NR3C2: variants seen among roughly 807,000 people sequenced by gnomAD.
NR3C2 encodes mineralocorticoid receptor.
NR3C2 carries 15 observed loss-of-function variants against 86.4 expected under a neutral mutation model. That is an observed-to-expected ratio of 0.17 (90% CI 0.12 to 0.27). The LOEUF (loss-of-function observed/expected upper bound fraction) is 0.27. NR3C2 is among the 10% of genes least tolerant of loss of function. The probability of loss-of-function intolerance (pLI) is 1.00; values close to 1 mark genes in which losing one functional copy is unlikely to be tolerated. For missense variants in NR3C2, 960 were observed against 1,195.6 expected, an observed-to-expected ratio of 0.80 and a Z score of 2.91; for synonymous variants, 458 against 450.5, an observed-to-expected ratio of 1.02 and a Z score of -0.21.
intron 3 of NR3C2, among the ~76,000 whole-genome samples, chr4:148,249,861 T>C (rs1739491517): frequency 6.6e-6 from 1 of 152,192 alleles, no homozygotes; most frequent in Non-Finnish European, 1.5e-5. Context: ...GAGGGCAAAA[T>C]GGCATTGCAA....
intron 3 of NR3C2, among the ~76,000 whole-genome samples, chr4:148,203,670 G>A (rs1251362831): frequency 3.9e-5 from 3 of 76,618 alleles, no homozygotes; most frequent in African/African-American, 1.1e-4. Context: ...CCCCGCCCCC[G>A]TTCTTATAAT....
intron 6 of NR3C2, among the ~76,000 whole-genome samples, chr4:148,124,518 C>CT (rs1447904482): frequency 6.6e-6 from 1 of 152,070 alleles, no homozygotes; most frequent in Non-Finnish European, 1.5e-5. Context: ...ATTTTTTTCT[C>CT]TATTTATATG....
chr4:148,278,581 A>ACC (rs1741078081), intron 2 of NR3C2, among the ~76,000 whole-genome samples: 4 of 152,022 alleles, frequency 2.6e-5, no homozygotes, highest in African/African-American at 9.7e-5. Flanking sequence ...GCGCGCGCAC[A>ACC]CACACACCCA....
intron 2 of NR3C2, among the ~76,000 whole-genome samples, chr4:148,381,219 C>T (rs1156267881): frequency 1.4e-5 from 2 of 142,490 alleles, no homozygotes; most frequent in Non-Finnish European, 1.5e-5. Flanking sequence ...TAGAGCGAGA[C>T]CCTGTCTCAA....
chr4:148,428,836 C>T (rs1749670675), intron 2 of NR3C2, among the ~76,000 whole-genome samples: 3 of 152,130 alleles, frequency 2.0e-5, no homozygotes, highest in Admixed American at 1.3e-4. Context: ...AACACACTGC[C>T]CAATAAGGTT....
chr4:148,443,859 A>T, upstream of NR3C2: 1 of 339,186 alleles, frequency 2.9e-6, no homozygotes, highest in Non-Finnish European at 4.2e-6. Flanking sequence ...GGGATTCCGG[A>T]CCCCTAACCC....
chr4:148,114,038 T>G, intron 8 of NR3C2, 66 bp downstream of exon 8: 4 of 1,584,678 alleles, frequency 2.5e-6, no homozygotes, highest in Non-Finnish European at 3.5e-6. Flanking sequence ...CTCTGTTTCC[T>G]TTGGTCAGCA....
chr4:148,313,305 T>C (rs899858115), intron 2 of NR3C2, among the ~76,000 whole-genome samples: 6 of 152,152 alleles, frequency 3.9e-5, no homozygotes, highest in African/African-American at 7.2e-5. Context: ...AATGAGTCCA[T>C]TGCACTCAGT....
intron 6 of NR3C2, among the ~76,000 whole-genome samples, chr4:148,123,166 G>A (rs1337627270): frequency 6.6e-6 from 1 of 152,162 alleles, no homozygotes; most frequent in African/African-American, 2.4e-5. Context: ...GATAAGCACT[G>A]AGATACGCCC....
intron 2 of NR3C2, among the ~76,000 whole-genome samples, chr4:148,305,604 G>C (rs560099805): frequency 2.7e-5 from 4 of 150,812 alleles, no homozygotes; most frequent in African/African-American, 9.7e-5. Context: ...ATTAAGAAAA[G>C]GCTACGCTTT....
intron 4 of NR3C2, among the ~76,000 whole-genome samples, chr4:148,188,087 T>C (rs1203783854): frequency 6.6e-6 from 1 of 152,264 alleles, no homozygotes; most frequent in Non-Finnish European, 1.5e-5. Context: ...CCTATTTTTA[T>C]ACCGGTACTA....
upstream of NR3C2, chr4:148,444,690 T>C (rs1750503150): frequency 2.0e-6 from 2 of 984,984 alleles, no homozygotes; most frequent in Non-Finnish European, 2.4e-6. Context: ...TGACGGTGGG[T>C]AGAGCAATAG....
intron 8 of NR3C2, among the ~76,000 whole-genome samples, chr4:148,096,309 T>C (rs1306704822): frequency 2.0e-5 from 3 of 152,254 alleles, no homozygotes; most frequent in Non-Finnish European, 4.4e-5. Flanking sequence ...GAACTTTTCC[T>C]AATCTTGTTT....
In NR3C2 at chr4:148,222,005, T is replaced by C. The variant is rs115485224; in HGVS notation, c.1898-27143A>G. 7.6e-3 allele frequency among the ~76,000 whole-genome samples: 1,154 copies of C among 152,192 alleles called. 10 individuals are homozygous for C. Among genetic ancestry groups the C allele is most frequent in the African/African-American group, 0.025 (1,030 of 41,552 alleles). On this transcript the variant is annotated intron_variant, in intron 3 of 8. Transcript: ENST00000358102. ...ATACATGTCTGTGTATGTATGTGTG[T>C]ATATAGTAAAATAGTTAATATAATA... is the stretch of plus-strand genomic sequence containing the variant.
chr4:148,435,133 G>A lies in NR3C2; in HGVS notation c.1728C>T (p.Val576=). 1 of 1,614,132 alleles carries A rather than the reference G, an allele frequency of 6.2e-7. No individual in the cohort carries two copies. Among genetic ancestry groups the A allele is most frequent in the South Asian group, 1.1e-5 (1 of 91,064 alleles). ...LSSRRSDGYP[V]LEYIPENVSS... is the part of the protein sequence containing the mutation. ...ATACATTTTCTGGAATGTATTCTAA[G>A]ACCGGATACCCATCACTTCTTCTAG... The change falls in exon 2 of 9, where the codon GTC becomes GTT. Residue 576 remains valine (V), a synonymous_variant. Transcript: ENST00000358102.
intron 4 of NR3C2, 128 bp downstream of exon 4, chr4:148,194,618 G>C (rs1736353999): frequency 1.5e-5 from 10 of 677,202 alleles, no homozygotes; most frequent in Non-Finnish European, 2.4e-5. Flanking sequence ...CATGAAAACA[G>C]AACTCATCAG....
chr4:148,189,342 T>G (rs944855457), intron 4 of NR3C2, among the ~76,000 whole-genome samples: 10 of 152,250 alleles, frequency 6.6e-5, no homozygotes, highest in Admixed American at 6.5e-4. Flanking sequence ...ATATCACATT[T>G]ATTGACTTGC....
chr4:148,231,975 C>T (rs1471000611), intron 3 of NR3C2, among the ~76,000 whole-genome samples: 2 of 152,130 alleles, frequency 1.3e-5, no homozygotes, highest in African/African-American at 2.4e-5. Flanking sequence ...CACATCTTCA[C>T]GGTCCACTTC....
chr4:148,339,179 C>T (rs933916187), intron 2 of NR3C2, among the ~76,000 whole-genome samples: 3 of 152,058 alleles, frequency 2.0e-5, no homozygotes, highest in Non-Finnish European at 2.9e-5. Flanking sequence ...ACCTGGCAGA[C>T]GATCAGCCTG....
Sources: gnomAD v4.1 joint callset for allele counts (sites outside exome capture counted in the v4.1 genomes callset) on GRCh38, gnomAD v4.1.1 for gene constraint, MANE v1.5 for transcripts, NCBI Gene and HGNC (gene_info 2026-07-23, HGNC 2026-07-21) for gene names.